Variants in IVNS1ABP observed in about 807,000 individuals in gnomAD.
IVNS1ABP encodes the protein influenza virus NS1A binding protein.
In IVNS1ABP, 25 loss-of-function variants were observed where a neutral mutation model predicts 78.9. That is an observed-to-expected ratio of 0.32 (90% CI 0.23 to 0.44). IVNS1ABP has a LOEUF of 0.44. Ranked by LOEUF, IVNS1ABP falls within the 20% of genes least tolerant of loss-of-function variation. The pLI, the probability that IVNS1ABP is intolerant of heterozygous loss-of-function variation, is 1.00. For missense variants in IVNS1ABP, 494 were observed against 768.9 expected (o/e 0.64, Z 4.23); for synonymous variants, 241 against 259.7 (o/e 0.93, Z 0.69).
intron 1 of IVNS1ABP, 85 bp downstream of exon 1, chr1:185,316,868 C>G: frequency 2.5e-6 from 1 of 396,814 alleles, no homozygotes; most frequent in Non-Finnish European, 4.4e-6. Context: ...CCACCCTCTT[C>G]CCATCCGCCG....
chr1:185,308,453 T>C (rs1665796528), intron 5 of IVNS1ABP, among the ~76,000 whole-genome samples: 1 of 152,202 alleles, frequency 6.6e-6, no homozygotes, highest in South Asian at 2.1e-4. Flanking sequence ...GGAATACTTT[T>C]AGAGAGCACA....
rs915477773 is a variant in IVNS1ABP, at chr1:185,317,086, G to T, written c.-380C>A. 9 of 398,480 alleles carry T rather than the reference G, an allele frequency of 2.3e-5. No homozygotes were observed. Among genetic ancestry groups the T allele is most frequent in the African/African-American group, 1.2e-4 (6 of 48,576 alleles). The allele number at this position is 398,480 out of a possible 1,614,324, so 24.7% of individuals were successfully genotyped here. ...GACGGGAGCGGTCAAGTAGAAGGAC[G>T]AGGGGCCAGTCCGTGGAGACTGAAA... On this transcript the variant is annotated 5_prime_UTR_variant, in exon 1 of 15. Coordinates refer to ENST00000367498, the MANE Select transcript of IVNS1ABP (RefSeq NM_006469.5).
intron 2 of IVNS1ABP, among the ~76,000 whole-genome samples, chr1:185,310,503 G>T (rs746494786): frequency 2.6e-5 from 4 of 152,124 alleles, no homozygotes; most frequent in Non-Finnish European, 4.4e-5. Flanking sequence ...AGCTACTTGT[G>T]GGGGCTGAGG....
Position 185,305,805 on chromosome 1 carries a change from G to T in IVNS1ABP, c.658-162C>A. The T allele has an allele frequency of 1.4e-6, 1 of 695,098 alleles. No individual in the cohort carries two copies. Among genetic ancestry groups the T allele is most frequent in the Non-Finnish European group, 2.1e-6 (1 of 470,574 alleles). The allele number at this position is 695,098 out of a possible 1,614,324, so 43.1% of individuals were successfully genotyped here. A position where few individuals can be genotyped will look rare whatever the true frequency, so the allele number is the denominator to read the frequency against. On this transcript the variant is annotated intron_variant, in intron 7 of 14. Transcript: ENST00000367498. This position sits in a 1 kb window ranked among gnomAD's most constrained non-coding sequence, Gnocchi z 4.0. ...GGAGGTAAAGAAAAATACATGTCAT[G>T]GTGGTAAAAATTAAAAAACAAAAAC...
intron 7 of IVNS1ABP, chr1:185,306,325 C>T: frequency 6.5e-6 from 3 of 463,736 alleles, no homozygotes; most frequent in Admixed American, 8.0e-5. Context: ...TACTCCACTG[C>T]TCCACCTGCG....
chr1:185,314,842 T>C (rs1665973560), intron 1 of IVNS1ABP, among the ~76,000 whole-genome samples: 1 of 152,208 alleles, frequency 6.6e-6, no homozygotes, highest in South Asian at 2.1e-4. Context: ...AAGTCGTTTA[T>C]AGTTTGCTAC....
At chr1:185,302,813 A>T (rs184978443) in intron 8 of IVNS1ABP, among the ~76,000 whole-genome samples, 22 of 152,208 alleles carry the variant, frequency 1.4e-4, no homozygotes, top group African/African-American at 5.3e-4. Flanking sequence ...CATTTTATAG[A>T]TAAAAATATT....
rs2102828024 is a variant in IVNS1ABP at position 185,317,175 on chromosome 1, A to C, written c.-469T>G. 2.5e-6 allele frequency: 1 copy of C among 397,790 alleles called. No homozygotes were observed. The highest frequency in any genetic ancestry group is 3.6e-5 in the East Asian group (1 of 27,992). The allele number at this position is 397,790 out of a possible 1,614,324, so 24.6% of individuals were successfully genotyped here. ...TCGCTCGCCGATACAGCCGCGCCGA[A>C]GCAGCAGGCGGAGAAACTGCGCCCA... On this transcript the variant is annotated 5_prime_UTR_variant, in exon 1 of 15. Transcript: ENST00000367498.
chr1:185,306,869 C>T, intron 7 of IVNS1ABP, 145 bp downstream of exon 7: 2 of 866,952 alleles, frequency 2.3e-6, no homozygotes, highest in African/African-American at 1.7e-5. Flanking sequence ...CTGGACACCC[C>T]CCCTGTTTCT....
intron 2 of IVNS1ABP, among the ~76,000 whole-genome samples, chr1:185,310,017 T>C (rs1665842222): frequency 6.6e-6 from 1 of 152,220 alleles, no homozygotes; most frequent in African/African-American, 2.4e-5. Flanking sequence ...TTCAAAATTA[T>C]ATATAATCAA....
intron 9 of IVNS1ABP, 71 bp from the exon 10 acceptor site, chr1:185,301,267 G>T: frequency 1.4e-6 from 2 of 1,429,838 alleles, no homozygotes; most frequent in South Asian, 2.4e-5. Flanking sequence ...TCCTGAATTG[G>T]ACTCCAGTCT....
rs1665815235 is a variant in IVNS1ABP, at chr1:185,308,994, T to C, written c.281+9A>G. ...CCCTAATTATATGGTTTACTTCAAA[T>C]GTACTTACTGAGCAGTGTAGGCATA... On this transcript the variant is annotated intron_variant, in intron 4 of 14. Coordinates refer to ENST00000367498, the MANE Select transcript of IVNS1ABP (RefSeq NM_006469.5). 1.2e-6 allele frequency: 2 copies of C among 1,600,986 alleles called. No homozygotes were observed. Among genetic ancestry groups the C allele is most frequent in the Non-Finnish European group, 1.7e-6 (2 of 1,173,656 alleles).
chr1:185,306,884 T>C, intron 7 of IVNS1ABP, 130 bp downstream of exon 7: 1 of 1,014,846 alleles, frequency 9.9e-7, no homozygotes, highest in South Asian at 1.6e-5. Flanking sequence ...GTTTCTCAGC[T>C]TAGGGGTACC....
rs754267519 is a variant in IVNS1ABP at position 185,301,504 on chromosome 1, G to C, written c.825C>G (p.Leu275=). ...TTTGTACTGTAGCATTTGGAGAAGA[G>C]AGACATCCAGTTGAACTGCTACTTA... The part of the protein sequence containing the change: ...KQISSSSTGC[L]SSPNATVQSP... Residue 275 remains leucine (L), a synonymous_variant, in exon 9 of 15, where the codon CTC becomes CTG. Transcript: ENST00000367498. 1 of 1,613,218 alleles carries C rather than the reference G, an allele frequency of 6.2e-7. No homozygotes were observed. Among genetic ancestry groups the C allele is most frequent in the South Asian group, 1.1e-5 (1 of 91,066 alleles).
In IVNS1ABP at chr1:185,297,584, C is replaced by A. The variant is rs1428814371; in HGVS notation, c.*451G>T. ...TAAAAACAAAAATAGTCAATGTCATCTATTTAAATAAGTATCCTTTGTTAT... is the reference window on the plus strand; with the variant it reads ...TAAAAACAAAAATAGTCAATGTCATATATTTAAATAAGTATCCTTTGTTAT... On this transcript the variant is annotated 3_prime_UTR_variant, in exon 15 of 15. Transcript: ENST00000367498. 1.3e-5 allele frequency: 2 copies of A among 155,644 alleles called. No individual in the cohort carries two copies. Among genetic ancestry groups the A allele is most frequent in the Non-Finnish European group, 2.8e-5 (2 of 70,224 alleles). The allele number at this position is 155,644 out of a possible 1,614,324, so 9.6% of individuals were successfully genotyped here.
chr1:185,300,596 A>G lies in IVNS1ABP; in HGVS notation c.1121-38T>C, dbSNP rs146142240. ...AAAACCATAAAGATTTATGTTTAAA[A>G]TATTAAACTGGACCACGGTTTCCAG... is the stretch of plus-strand genomic sequence containing the variant. On this transcript the variant is annotated intron_variant, in intron 10 of 14. Coordinates refer to ENST00000367498, the MANE Select transcript of IVNS1ABP (RefSeq NM_006469.5). The G allele has an allele frequency of 1.9e-5, 30 of 1,600,724 alleles. No individual in the cohort carries two copies. In the Middle Eastern group the frequency reaches 6.7e-4, roughly 36 times the overall value.
chr1:185,309,948 C>T (rs1024027996), intron 2 of IVNS1ABP, among the ~76,000 whole-genome samples: 2 of 152,154 alleles, frequency 1.3e-5, no homozygotes, highest in African/African-American at 4.8e-5. Context: ...AAAACTGTTA[C>T]TTATCCTAAT....
Position 185,297,682 on chromosome 1 carries a change from AC to A in IVNS1ABP, c.*352del, listed in dbSNP as rs1665454747. 1 of 247,866 alleles carries A rather than the reference AC, an allele frequency of 4.0e-6. No individual in the cohort carries two copies. Among genetic ancestry groups the A allele is most frequent in the Admixed American group, 5.0e-5 (1 of 19,952 alleles). 15.4% of individuals were successfully genotyped at this position (247,866 alleles called of 1,614,324 possible). A position where few individuals can be genotyped will look rare whatever the true frequency, so the allele number is the denominator to read the frequency against. The stretch of plus-strand genomic sequence containing the variant: ...TACATCTTTAAACCCTACCCCTTTT[AC>A]CCCATAGTACACATTTGAGGGAAGA... On this transcript the variant is annotated 3_prime_UTR_variant, in exon 15 of 15. Transcript: ENST00000367498.
In IVNS1ABP at chr1:185,298,451, C is replaced by CT; in HGVS notation, c.1676-164dup. ...AAATGCCTAATATGACAAATACTCT[C>CT]TAAGAGCTGGGAATCAAATCAATAA... On this transcript the variant is annotated intron_variant, in intron 14 of 14. Coordinates refer to ENST00000367498, the MANE Select transcript of IVNS1ABP (RefSeq NM_006469.5). The surrounding 1 kb of genome is among the most constrained non-coding windows in gnomAD (Gnocchi z 4.1). The CT allele has an allele frequency of 1.5e-6, 1 of 652,108 alleles. No homozygotes were observed. The highest frequency in any genetic ancestry group is 2.1e-5 in the South Asian group (1 of 46,590). 40.4% of individuals were successfully genotyped at this position (652,108 alleles called of 1,614,324 possible).
Sources: allele counts gnomAD v4.1 joint callset (sites outside exome capture counted in the v4.1 genomes callset), GRCh38; gene constraint gnomAD v4.1.1; non-coding constraint Gnocchi (gnomAD v3.1); transcripts MANE v1.5; gene names NCBI Gene and HGNC (gene_info 2026-07-23, HGNC 2026-07-21).